The following CSMD1 variants were observed in gnomAD, a reference collection of about 807,000 sequenced individuals.
CSMD1 encodes the protein CUB and Sushi multiple domains 1.
CSMD1 carries 213 observed loss-of-function variants against 417.5 expected under a neutral mutation model. The observed-to-expected ratio is 0.51, with a 90% CI of 0.46 to 0.57. The LOEUF (loss-of-function observed/expected upper bound fraction) is 0.57, where lower values mean the gene tolerates loss of function less well. CSMD1 is among the 20% of genes least tolerant of loss of function. CSMD1 has a pLI of 0.00. For missense variants in CSMD1, 6,923 were observed against 4,529.7 expected (o/e 1.53, Z -15.17); for synonymous variants, 2,862 against 1,736.8 (o/e 1.65, Z -16.11).
chr8:4,363,484 G>C lies in CSMD1; in HGVS notation c.415+56469C>G, dbSNP rs80240104. Among the ~76,000 whole-genome samples the C allele has an allele frequency of 5.6e-3, 859 of 152,220 alleles. 12 individuals are homozygous for C. Among genetic ancestry groups the C allele is most frequent in the African/African-American group, 0.019 (796 of 41,532 alleles). On this transcript the variant is annotated intron_variant, in intron 3 of 69. Coordinates refer to ENST00000635120, the MANE Select transcript of CSMD1 (RefSeq NM_033225.6). The stretch of plus-strand genomic sequence containing the variant: ...TATCTTCCCCACCACCCCCTCTCTG[G>C]AGGAGGAAAAGCATACTTTTATTGT...
chr8:4,480,551 G>A (rs901554118), intron 2 of CSMD1, among the ~76,000 whole-genome samples: 4 of 152,172 alleles, frequency 2.6e-5, no homozygotes, highest in African/African-American at 7.2e-5. Context: ...TGCGTCAAGC[G>A]GAGGTCCTGT....
At chr8:4,133,242 C>T (rs1803219427) in intron 3 of CSMD1, among the ~76,000 whole-genome samples, 1 of 152,080 alleles carries the variant, frequency 6.6e-6, no homozygotes, top group African/African-American at 2.4e-5. Flanking sequence ...AGCTGGTAAA[C>T]ATCTAATAAT....
At chr8:3,909,057 C>G (rs1033651292) in intron 5 of CSMD1, among the ~76,000 whole-genome samples, 1 of 152,168 alleles carries the variant, frequency 6.6e-6, no homozygotes, top group Non-Finnish European at 1.5e-5. Flanking sequence ...CGGGGAGCAG[C>G]TGAGAAGGCC....
intron 3 of CSMD1, among the ~76,000 whole-genome samples, chr8:4,082,209 A>C (rs533154195): frequency 3.3e-5 from 5 of 152,298 alleles, no homozygotes; most frequent in African/African-American, 2.4e-5. Flanking sequence ...TTTTTCCCCA[A>C]AATTATGACC....
chr8:4,812,509 T>G (rs2117340879), intron 1 of CSMD1, among the ~76,000 whole-genome samples: 1 of 152,258 alleles, frequency 6.6e-6, no homozygotes, highest in South Asian at 2.1e-4. Context: ...TACCCCAAAT[T>G]TGATCATTAT....
intron 2 of CSMD1, among the ~76,000 whole-genome samples, chr8:4,616,803 A>T (rs955144318): frequency 3.3e-5 from 5 of 152,220 alleles, no homozygotes; most frequent in African/African-American, 1.2e-4. Flanking sequence ...CCAGAGGAAA[A>T]AACTAAAGAC....
intron 63 of CSMD1, among the ~76,000 whole-genome samples, chr8:2,956,260 A>T (rs962451862): frequency 1.3e-5 from 2 of 152,030 alleles, no homozygotes; most frequent in African/African-American, 4.8e-5. Context: ...TTTTGATAAA[A>T]CTTTAATGTG....
At chr8:3,410,929 G>C (rs1375623710) in intron 12 of CSMD1, among the ~76,000 whole-genome samples, 2 of 152,082 alleles carry the variant, frequency 1.3e-5, no homozygotes, top group Middle Eastern at 3.2e-3. Context: ...GAGATGGATG[G>C]AGGAGGAGGC....
intron 2 of CSMD1, among the ~76,000 whole-genome samples, chr8:4,546,705 C>A (rs573430272): frequency 6.6e-6 from 1 of 151,940 alleles, no homozygotes; most frequent in Non-Finnish European, 1.5e-5. Flanking sequence ...GAGACGTCTC[C>A]GCCTTCATAA....
intron 25 of CSMD1, among the ~76,000 whole-genome samples, chr8:3,299,903 C>G (rs1438257393): frequency 6.6e-6 from 1 of 152,104 alleles, no homozygotes; most frequent in Non-Finnish European, 1.5e-5. Flanking sequence ...GGTGGTATAT[C>G]TACTCCTTTT....
chr8:4,791,333 C>G (rs1797676997), intron 1 of CSMD1, among the ~76,000 whole-genome samples: 1 of 152,142 alleles, frequency 6.6e-6, no homozygotes, highest in Admixed American at 6.5e-5. Context: ...TTGGTGTGGA[C>G]TTGTTTTTAC....
At chr8:3,699,442 T>C (rs1329211246) in intron 7 of CSMD1, among the ~76,000 whole-genome samples, 14 of 152,206 alleles carry the variant, frequency 9.2e-5, no homozygotes, top group Admixed American at 9.2e-4. Flanking sequence ...ACCTAGCAAG[T>C]CTACAGATAA....
chr8:4,853,764 C>T (rs919192892), intron 1 of CSMD1, among the ~76,000 whole-genome samples: 12 of 152,276 alleles, frequency 7.9e-5, no homozygotes, highest in African/African-American at 2.6e-4. Context: ...CACTCAACTC[C>T]AGCACATGAA....
rs190457951 is a variant in CSMD1 at position 3,801,911 on chromosome 8, C to G, written c.819-47869G>C. ...TGAGATCTCATATAATACCCAATGC[C>G]TAGGGTATAGGGTGGGGAGTCAGGG... On this transcript the variant is annotated intron_variant, in intron 5 of 69. Coordinates refer to ENST00000635120, the MANE Select transcript of CSMD1 (RefSeq NM_033225.6). Among the ~76,000 whole-genome samples, 223 of 152,066 alleles carry G rather than the reference C, an allele frequency of 1.5e-3. 1 individual carries two copies. The highest frequency in any genetic ancestry group is 5.1e-3 in the African/African-American group (213 of 41,498).
At chr8:4,577,902 G>A (rs541312937) in intron 2 of CSMD1, among the ~76,000 whole-genome samples, 1 of 152,260 alleles carries the variant, frequency 6.6e-6, no homozygotes, top group African/African-American at 2.4e-5. Flanking sequence ...AATGTATCAA[G>A]TCCTAGGAAA....
chr8:3,159,841 G>C (rs531327969), intron 38 of CSMD1, among the ~76,000 whole-genome samples: 1 of 152,158 alleles, frequency 6.6e-6, no homozygotes, highest in Non-Finnish European at 1.5e-5. Context: ...CTTTGGTAAA[G>C]AATTATTTCT....
intron 5 of CSMD1, among the ~76,000 whole-genome samples, chr8:3,991,490 T>G (rs140848540): frequency 4.6e-5 from 7 of 152,320 alleles, no homozygotes; most frequent in African/African-American, 7.2e-5. Flanking sequence ...TATCATTATG[T>G]TATACCCAGA....
intron 23 of CSMD1, among the ~76,000 whole-genome samples, chr8:3,312,842 C>A (rs565420043): frequency 3.3e-4 from 50 of 152,220 alleles, no homozygotes; most frequent in African/African-American, 1.2e-3. Flanking sequence ...ACACTTTGAC[C>A]CCTAGGCTGT....
At chr8:4,839,416 T>C (rs576744047) in intron 1 of CSMD1, among the ~76,000 whole-genome samples, 2 of 152,212 alleles carry the variant, frequency 1.3e-5, no homozygotes, top group Non-Finnish European at 2.9e-5. Flanking sequence ...TTACACATTC[T>C]ACTTTGTATT....
Sources: gnomAD v4.1 joint callset for allele counts (sites outside exome capture counted in the v4.1 genomes callset) on GRCh38, gnomAD v4.1.1 for gene constraint, MANE v1.5 for transcripts, NCBI Gene and HGNC (gene_info 2026-07-23, HGNC 2026-07-21) for gene names.